IGHMBP2: variants seen among roughly 807,000 people sequenced by gnomAD.
IGHMBP2 encodes immunoglobulin mu DNA binding protein 2, also known as DNA-binding protein SMUBP-2.
In IGHMBP2, 81 loss-of-function variants were observed where a neutral mutation model predicts 96.0. The ratio of observed to expected loss-of-function variants is 0.84; its 90% CI spans 0.71 to 1.01. The LOEUF (loss-of-function observed/expected upper bound fraction) is 1.01, where lower values mean the gene tolerates loss of function less well. Among genes scored for constraint, IGHMBP2 ranks in the 50% least tolerant of loss-of-function variants. The probability of loss-of-function intolerance (pLI) is 0.00; values close to 1 mark genes in which losing one functional copy is unlikely to be tolerated. For missense variants in IGHMBP2, 1,227 were observed against 1,306.3 expected, an observed-to-expected ratio of 0.94 and a Z score of 0.94; for synonymous variants, 557 against 548.9, an observed-to-expected ratio of 1.01 and a Z score of -0.21.
Position 68,938,171 on chromosome 11 carries a change from G to T in IGHMBP2, c.2612-11G>T. 6.2e-7 allele frequency: 1 copy of T among 1,614,008 alleles called. No homozygotes were observed. The highest frequency in any genetic ancestry group is 8.5e-7 in the Non-Finnish European group (1 of 1,180,002). On this transcript the variant is annotated splice_polypyrimidine_tract_variant and intron_variant, in intron 13 of 14. Coordinates refer to ENST00000255078, the MANE Select transcript of IGHMBP2 (RefSeq NM_002180.3). ...CTTTCCGTTTGCCTGAGTGACGCGG[G>T]TCTTCTCCAGGACATCCGGCCACAG...
intron 7 of IGHMBP2, among the ~76,000 whole-genome samples, chr11:68,918,188 T>C (rs1286315263): frequency 6.6e-6 from 1 of 152,220 alleles, no homozygotes; most frequent in Non-Finnish European, 1.5e-5. Flanking sequence ...TGGTTCCTAA[T>C]ATGCCCTTAT....
At position 68,934,517 on chromosome 11, in the gene IGHMBP2, C is replaced by A. The variant is rs756985703; in HGVS notation, c.1591C>A (p.Pro531Thr). 28 of 1,612,872 alleles carry A rather than the reference C, an allele frequency of 1.7e-5. No individual in the cohort carries two copies. In the South Asian group the frequency reaches 3.1e-4, roughly 18 times the overall value. Residue 531 changes from proline to threonine, a missense_variant, in exon 11 of 15, where the codon CCA becomes ACA. By Grantham distance (38) the Pro-to-Thr change is conservative. Around this residue, in one of 3 missense-constraint regions of IGHMBP2, gnomAD observed 703 missense variants for 770.3 expected, o/e 0.91. Transcript: ENST00000255078. ...HIQALVDAGV[P>T]ARDIAVVSPY... The stretch of plus-strand genomic sequence containing the variant: ...CCAGGCTCTGGTGGACGCTGGTGTT[C>A]CAGCCCGTGACATTGCTGTGGTCTC...
At chr11:68,922,783 C>T (rs1049457369) in intron 7 of IGHMBP2, among the ~76,000 whole-genome samples, 32 of 152,180 alleles carry the variant, frequency 2.1e-4, no homozygotes, top group African/African-American at 7.7e-4. Flanking sequence ...TAACTATAGA[C>T]GTCGTGTTGT....
intron 7 of IGHMBP2, among the ~76,000 whole-genome samples, chr11:68,919,354 C>G (rs1858794817): frequency 6.6e-6 from 1 of 152,142 alleles, no homozygotes; most frequent in African/African-American, 2.4e-5. Context: ...AGGCTGGACT[C>G]AAACTCCTGG....
At chr11:68,935,552 TAGTA>T in intron 12 of IGHMBP2, 130 bp downstream of exon 12, 3 of 1,121,474 alleles carry the variant, frequency 2.7e-6, no homozygotes, top group Non-Finnish European at 4.0e-6. Context: ...CTTCTGTCCT[TAGTA>T]AGTTCACGTC....
chr11:68,929,874 T>G lies in IGHMBP2; in HGVS notation c.1235+517T>G, dbSNP rs1391970225. 6.1e-6 allele frequency: 6 copies of G among 978,074 alleles called. No homozygotes were observed. In the African/African-American group the frequency reaches 1.1e-4, roughly 18 times the overall value. The allele number at this position is 978,074 out of a possible 1,614,324, so 60.6% of individuals were successfully genotyped here. ...CCTGGTGGAGACACTGGAGTCCTGATGCGGTGGCCTGGCCCAGGCTGTCCT... is the reference window on the plus strand; with the variant it reads ...CCTGGTGGAGACACTGGAGTCCTGAGGCGGTGGCCTGGCCCAGGCTGTCCT... On this transcript the variant is annotated intron_variant, in intron 8 of 14. Transcript: ENST00000255078.
At chr11:68,936,145 AC>A in intron 12 of IGHMBP2, 91 bp from the exon 13 acceptor site, 4 of 1,467,898 alleles carry the variant, frequency 2.7e-6, no homozygotes, top group Non-Finnish European at 3.8e-6. Context: ...AGGGGACTAC[AC>A]TTTTGGTGGT....
At chr11:68,904,323 TC>T (rs1858084981) in intron 1 of IGHMBP2, among the ~76,000 whole-genome samples, 1 of 152,090 alleles carries the variant, frequency 6.6e-6, no homozygotes, top group Non-Finnish European at 1.5e-5. Flanking sequence ...CGACCCCAGT[TC>T]CACCCGCAGC....
At chr11:68,916,298 T>C (rs1681731971) in intron 6 of IGHMBP2, among the ~76,000 whole-genome samples, 1 of 152,190 alleles carries the variant, frequency 6.6e-6, no homozygotes, top group African/African-American at 2.4e-5. Context: ...TCCTAGAGCT[T>C]TCCGTCCATT....
chr11:68,929,391 C>A, intron 8 of IGHMBP2, 34 bp downstream of exon 8: 1 of 1,585,428 alleles, frequency 6.3e-7, no homozygotes, highest in Non-Finnish European at 8.6e-7. Context: ...CCCTTCTCTG[C>A]CCCCGCCCTC....
chr11:68,934,996 G>A (rs1859468764), intron 11 of IGHMBP2, among the ~76,000 whole-genome samples: 1 of 152,232 alleles, frequency 6.6e-6, no homozygotes, highest in Non-Finnish European at 1.5e-5. Flanking sequence ...GTATCGGGAG[G>A]ATCTGTGGAA....
At chr11:68,920,129 A>G (rs1258332367) in intron 7 of IGHMBP2, among the ~76,000 whole-genome samples, 1 of 152,206 alleles carries the variant, frequency 6.6e-6, no homozygotes, top group Non-Finnish European at 1.5e-5. Context: ...ATTATTTTAC[A>G]TACCTCAAGT....
chr11:68,920,800 A>G (rs1858847622), intron 7 of IGHMBP2, among the ~76,000 whole-genome samples: 1 of 151,992 alleles, frequency 6.6e-6, no homozygotes, highest in African/African-American at 2.4e-5. Flanking sequence ...TTTCTTTTTA[A>G]AGAGAGAGTC....
At chr11:68,935,512 C>G (rs1045973705) in intron 12 of IGHMBP2, 90 bp downstream of exon 12, 3 of 1,489,486 alleles carry the variant, frequency 2.0e-6, no homozygotes, top group African/African-American at 2.8e-5. Context: ...GGGTGCCACA[C>G]TGGTTTCTGG....
At chr11:68,911,411 T>C in intron 4 of IGHMBP2, 29 bp from the exon 5 acceptor site, 1 of 1,610,848 alleles carries the variant, frequency 6.2e-7, no homozygotes, top group East Asian at 2.2e-5. Context: ...CCAGAGCACC[T>C]GAGCCTCACG....
chr11:68,938,401 G>A (rs561970537), intron 14 of IGHMBP2, 47 bp downstream of exon 14: 65 of 1,537,544 alleles, frequency 4.2e-5, no homozygotes, highest in Non-Finnish European at 5.6e-5. Flanking sequence ...GAGGGGTGGT[G>A]GGTTCCGTCT....
At chr11:68,930,285 CT>C in intron 8 of IGHMBP2, 1 of 1,286,464 alleles carries the variant, frequency 7.8e-7, no homozygotes, top group South Asian at 1.2e-5. Flanking sequence ...TTTCGGTTGC[CT>C]TTTGAAACAC....
At chr11:68,919,933 A>G (rs565612603) in intron 7 of IGHMBP2, among the ~76,000 whole-genome samples, 40 of 152,290 alleles carry the variant, frequency 2.6e-4, no homozygotes, top group Admixed American at 1.7e-3. Context: ...TGTAAAATTT[A>G]CCATCGTAAC....
At position 68,914,993 on chromosome 11, in the gene IGHMBP2, A is replaced by C; in HGVS notation, c.882A>C (p.Ala294=). 1 of 1,614,106 alleles carries C rather than the reference A, an allele frequency of 6.2e-7. No homozygotes were observed. The highest frequency in any genetic ancestry group is 2.2e-5 in the East Asian group (1 of 44,856). Residue 294 remains alanine (A), a synonymous_variant, in exon 6 of 15, where the codon GCA becomes GCC. Coordinates refer to ENST00000255078, the MANE Select transcript of IGHMBP2 (RefSeq NM_002180.3). The part of the protein sequence containing the change: ...LARSDSAQIV[A]DIRKDIDQVF... ...GGAGCGACAGTGCCCAGATTGTTGC[A>C]GATATCAGGAAGGACATCGACCAGG...
Sources: allele counts gnomAD v4.1 joint callset (sites outside exome capture counted in the v4.1 genomes callset), GRCh38; gene constraint gnomAD v4.1.1; regional missense constraint gnomAD v4.1.1; transcripts MANE v1.5; gene names NCBI Gene and HGNC (gene_info 2026-07-23, HGNC 2026-07-21).